The following FGD4 variants were observed in gnomAD, a reference collection of about 807,000 sequenced individuals.
The protein encoded by FGD4 is FYVE, RhoGEF and PH domain-containing protein 4.
A neutral mutation model predicts 102.0 loss-of-function variants in FGD4; 42 were observed. The ratio of observed to expected loss-of-function variants is 0.41; its 90% CI spans 0.32 to 0.53. FGD4 has a LOEUF of 0.53. Ranked by LOEUF, FGD4 falls within the 20% of genes least tolerant of loss-of-function variation. FGD4 has a pLI of 0.21. For missense variants in FGD4, 902 were observed against 1,078.2 expected (o/e 0.84, Z 2.29); for synonymous variants, 380 against 375.7 (o/e 1.01, Z -0.13).
chr12:32,459,501 C>T (rs558217322), intron 1 of FGD4, among the ~76,000 whole-genome samples: 40 of 151,970 alleles, frequency 2.6e-4, no homozygotes, highest in African/African-American at 9.7e-4. Flanking sequence ...CCAGACACTG[C>T]TATTTATAAG....
At chr12:32,606,383 T>G (rs1948781163) in intron 7 of FGD4, among the ~76,000 whole-genome samples, 1 of 152,068 alleles carries the variant, frequency 6.6e-6, no homozygotes, top group South Asian at 2.1e-4. Flanking sequence ...AAAATCTACA[T>G]TAGATGAAAA....
intron 1 of FGD4, among the ~76,000 whole-genome samples, chr12:32,465,346 C>T (rs1943223058): frequency 6.6e-6 from 1 of 151,942 alleles, no homozygotes; most frequent in African/African-American, 2.4e-5. Context: ...CTTTAACAGC[C>T]ACCACCCTCA....
intron 1 of FGD4, among the ~76,000 whole-genome samples, chr12:32,429,587 G>A (rs1290384600): frequency 6.6e-6 from 1 of 152,250 alleles, no homozygotes; most frequent in Admixed American, 6.5e-5. Flanking sequence ...CTTCAGAGCT[G>A]GCAGGCAGGA....
Position 32,423,599 on chromosome 12 carries a change from A to G in FGD4, c.166+23640A>G, listed in dbSNP as rs1322992402. On this transcript the variant is annotated intron_variant, in intron 1 of 16. Coordinates refer to ENST00000534526, the MANE Select transcript of FGD4 (RefSeq NM_001370298.3). Reference sequence around the variant, plus strand: ...AGAGTGAGACTTCATCTCAAAAAAAAAAAAAAAAAAAGAAAGAAAGTGAAG... The same window carrying G: ...AGAGTGAGACTTCATCTCAAAAAAAGAAAAAAAAAAAGAAAGAAAGTGAAG... Among the ~76,000 whole-genome samples the G allele has an allele frequency of 4.0e-5, 6 of 151,096 alleles. No homozygotes were observed. The South Asian group carries it at 1.3e-3, about 31-fold the overall frequency.
rs368955996 is a variant in FGD4 at position 32,555,547 on chromosome 12, A to ATTTAAC, written c.167-8585_167-8584insCTTTAA. On this transcript the variant is annotated intron_variant, in intron 1 of 16. Coordinates refer to ENST00000534526, the MANE Select transcript of FGD4 (RefSeq NM_001370298.3). ...AGCACTAATCCAAGTGCACTTCAAT[A>ATTTAAC]TTTAATTTTAAGAGACAAGGTCTTT... Among the ~76,000 whole-genome samples, 1,103 of 147,752 alleles carry ATTTAAC rather than the reference A, an allele frequency of 7.5e-3. 19 individuals carry two copies. The highest frequency in any genetic ancestry group is 0.026 in the African/African-American group (1,051 of 40,078).
chr12:32,510,859 T>G (rs182041625), intron 1 of FGD4, among the ~76,000 whole-genome samples: 72 of 152,362 alleles, frequency 4.7e-4, no homozygotes, highest in African/African-American at 1.7e-3. Context: ...CTGTTGGGAA[T>G]ATAGAATTTA....
intron 1 of FGD4, among the ~76,000 whole-genome samples, chr12:32,537,594 C>G (rs934366796): frequency 1.3e-5 from 2 of 152,202 alleles, no homozygotes; most frequent in Non-Finnish European, 2.9e-5. Context: ...CCTATCCCTA[C>G]CCCTTAACTT....
At chr12:32,424,011 CAT>C (rs1356375801) in intron 1 of FGD4, among the ~76,000 whole-genome samples, 1 of 152,098 alleles carries the variant, frequency 6.6e-6, no homozygotes, top group Non-Finnish European at 1.5e-5. Flanking sequence ...TTTGACTTAA[CAT>C]AATGTTCTCT....
intron 11 of FGD4, among the ~76,000 whole-genome samples, chr12:32,620,741 A>G (rs1592436456): frequency 7.9e-6 from 1 of 126,192 alleles, no homozygotes; most frequent in Non-Finnish European, 1.6e-5. Context: ...TCTGTCTCCC[A>G]GGCTGGAGTG....
At chr12:32,534,275 G>T (rs923942002) in intron 1 of FGD4, 1 of 1,305,882 alleles carries the variant, frequency 7.7e-7, no homozygotes, top group Non-Finnish European at 9.8e-7. Context: ...GGCATGTTTT[G>T]CATAAGGTCG....
At chr12:32,491,065 T>C (rs1323046061) in intron 1 of FGD4, among the ~76,000 whole-genome samples, 2 of 151,000 alleles carry the variant, frequency 1.3e-5, no homozygotes, top group African/African-American at 4.9e-5. Flanking sequence ...TTTTACTCAC[T>C]CTTTTCAATG....
chr12:32,410,110 T>A (rs1941136787), intron 1 of FGD4, among the ~76,000 whole-genome samples: 1 of 151,422 alleles, frequency 6.6e-6, no homozygotes, highest in African/African-American at 2.4e-5. Context: ...AGGTGGATCA[T>A]GAGGTCAGGA....
intron 7 of FGD4, among the ~76,000 whole-genome samples, chr12:32,607,565 A>G (rs1036288797): frequency 6.6e-6 from 1 of 152,194 alleles, no homozygotes; most frequent in African/African-American, 2.4e-5. Flanking sequence ...ACCCAGGCTA[A>G]GTGGCACGAT....
At chr12:32,467,139 G>T (rs1033243737) in intron 1 of FGD4, among the ~76,000 whole-genome samples, 1 of 152,168 alleles carries the variant, frequency 6.6e-6, no homozygotes, top group South Asian at 2.1e-4. Flanking sequence ...AAGAATTTAG[G>T]AGAGTGGTGA....
intron 15 of FGD4, among the ~76,000 whole-genome samples, chr12:32,634,693 T>A (rs545603187): frequency 1.3e-5 from 2 of 152,298 alleles, no homozygotes; most frequent in Admixed American, 1.3e-4. Flanking sequence ...CTTGGTTTAT[T>A]AAGAATCTCT....
intron 1 of FGD4, among the ~76,000 whole-genome samples, chr12:32,413,094 T>A (rs2733681): frequency 0.075 from 11,255 of 150,792 alleles, 724 homozygotes; most frequent in East Asian, 0.18. Flanking sequence ...AAATTTTTTT[T>A]AAATTATAGC....
chr12:32,562,053 C>A (rs1398912889), intron 1 of FGD4, among the ~76,000 whole-genome samples: 1 of 152,160 alleles, frequency 6.6e-6, no homozygotes, highest in African/African-American at 2.4e-5. Flanking sequence ...TCGAGCCATT[C>A]TTCTAGAGTC....
intron 12 of FGD4, 22 bp downstream of exon 12, chr12:32,624,474 TTTTC>T: frequency 1.3e-6 from 2 of 1,573,310 alleles, no homozygotes; most frequent in South Asian, 1.1e-5. Flanking sequence ...TTCTGTTTCC[TTTTC>T]TTTCTTTTTT....
chr12:32,489,767 C>T (rs937636797), intron 1 of FGD4, among the ~76,000 whole-genome samples: 5 of 151,860 alleles, frequency 3.3e-5, no homozygotes, highest in Non-Finnish European at 5.9e-5. Context: ...CCCTATTTTT[C>T]GTGTGGAGAA....
Sources: allele counts gnomAD v4.1 joint callset (sites outside exome capture counted in the v4.1 genomes callset), GRCh38; gene constraint gnomAD v4.1.1; transcripts MANE v1.5; gene names NCBI Gene and HGNC (gene_info 2026-07-23, HGNC 2026-07-21).